The following PITPNC1 variants were observed in gnomAD, a reference collection of about 807,000 sequenced individuals.
PITPNC1 encodes cytoplasmic phosphatidylinositol transfer protein 1.
In PITPNC1, 18 loss-of-function variants were observed where a neutral mutation model predicts 44.7. That is an observed-to-expected ratio of 0.40 (90% CI 0.28 to 0.60). The LOEUF (loss-of-function observed/expected upper bound fraction) is 0.60. Among genes scored for constraint, PITPNC1 ranks in the 20% least tolerant of loss-of-function variants. PITPNC1 has a pLI of 0.39. For synonymous variants in PITPNC1, 141 were observed against 149.6 expected, an observed-to-expected ratio of 0.94 and a Z score of 0.42; for missense variants, 290 against 418.4, an observed-to-expected ratio of 0.69 and a Z score of 2.68.
At chr17:67,586,638 C>T (rs1480644327) in intron 5 of PITPNC1, among the ~76,000 whole-genome samples, 1 of 151,996 alleles carries the variant, frequency 6.6e-6, no homozygotes, top group Non-Finnish European at 1.5e-5. Context: ...AGATTGTGCA[C>T]AGGGTTCTCA....
At chr17:67,633,485 C>T (rs2041995372) in intron 6 of PITPNC1, among the ~76,000 whole-genome samples, 3 of 152,222 alleles carry the variant, frequency 2.0e-5, no homozygotes, top group Non-Finnish European at 4.4e-5. Flanking sequence ...GCTGCTGTCC[C>T]TGAAAGGGCT....
At chr17:67,421,771 C>G (rs2038675907) in intron 1 of PITPNC1, among the ~76,000 whole-genome samples, 1 of 152,102 alleles carries the variant, frequency 6.6e-6, no homozygotes, top group African/African-American at 2.4e-5. Flanking sequence ...GTCTTAGTTT[C>G]CTTACCTCCT....
chr17:67,487,217 C>T (rs1284434987), intron 1 of PITPNC1, among the ~76,000 whole-genome samples: 1 of 152,094 alleles, frequency 6.6e-6, no homozygotes, highest in African/African-American at 2.4e-5. Flanking sequence ...CTTTGTCACC[C>T]AGGCGGAAGT....
chr17:67,538,136 G>A (rs1305187320), intron 2 of PITPNC1, among the ~76,000 whole-genome samples: 1 of 151,960 alleles, frequency 6.6e-6, no homozygotes, highest in Non-Finnish European at 1.5e-5. Context: ...TTAAACTCAT[G>A]GAACAAAGTA....
At chr17:67,390,770 T>C (rs62084078) in intron 1 of PITPNC1, among the ~76,000 whole-genome samples, 45,862 of 152,126 alleles carry the variant, frequency 0.3, 8,089 homozygotes, top group African/African-American at 0.49. Flanking sequence ...TCTTGGCCAC[T>C]GGCTTTGCAA....
intron 2 of PITPNC1, among the ~76,000 whole-genome samples, chr17:67,539,832 C>T (rs1263096680): frequency 6.6e-6 from 1 of 151,678 alleles, no homozygotes; most frequent in African/African-American, 2.4e-5. Context: ...AACGAGACGC[C>T]GTCTCAAACA....
chr17:67,395,051 G>A (rs1295630018), intron 1 of PITPNC1, among the ~76,000 whole-genome samples: 1 of 152,054 alleles, frequency 6.6e-6, no homozygotes, highest in East Asian at 1.9e-4. Flanking sequence ...TATTTTAAAA[G>A]TTATAGAAAA....
intron 4 of PITPNC1, among the ~76,000 whole-genome samples, chr17:67,557,422 G>A (rs1388990579): frequency 6.6e-6 from 1 of 152,270 alleles, no homozygotes; most frequent in East Asian, 1.9e-4. Context: ...GTGGATCCTG[G>A]CCACCTGGAC....
intron 4 of PITPNC1, among the ~76,000 whole-genome samples, chr17:67,561,358 A>C (rs895525201): frequency 3.3e-5 from 5 of 152,098 alleles, no homozygotes; most frequent in African/African-American, 1.2e-4. Flanking sequence ...CAGGAGGCTA[A>C]GGCAGGAGAA....
chr17:67,470,413 A>G (rs568657064), intron 1 of PITPNC1, among the ~76,000 whole-genome samples: 29 of 151,302 alleles, frequency 1.9e-4, no homozygotes, highest in African/African-American at 6.8e-4. Context: ...CACATTCCCC[A>G]CTCCTGTTCC....
At chr17:67,516,415 C>A (rs1386425289) in intron 1 of PITPNC1, among the ~76,000 whole-genome samples, 1 of 152,152 alleles carries the variant, frequency 6.6e-6, no homozygotes, top group Non-Finnish European at 1.5e-5. Context: ...ATTTAAAACG[C>A]TACCTTCCTC....
intron 1 of PITPNC1, among the ~76,000 whole-genome samples, chr17:67,467,914 T>C (rs911258280): frequency 1.3e-5 from 2 of 152,146 alleles, no homozygotes; most frequent in East Asian, 1.9e-4. Flanking sequence ...CAGAATTGAG[T>C]TGGAGACTTA....
intron 1 of PITPNC1, among the ~76,000 whole-genome samples, chr17:67,498,263 A>G (rs968261690): frequency 1.3e-5 from 2 of 151,978 alleles, no homozygotes; most frequent in African/African-American, 4.8e-5. Flanking sequence ...TTATCTTTTT[A>G]ATTAATTTAG....
intron 5 of PITPNC1, among the ~76,000 whole-genome samples, chr17:67,593,094 T>C (rs2041413995): frequency 6.6e-6 from 1 of 152,158 alleles, no homozygotes; most frequent in Non-Finnish European, 1.5e-5. Context: ...CAAAAATAAA[T>C]TCCAAAAGTG....
chr17:67,653,883 A>G (rs2042235314), intron 6 of PITPNC1, among the ~76,000 whole-genome samples: 1 of 152,200 alleles, frequency 6.6e-6, no homozygotes, highest in South Asian at 2.1e-4. Context: ...GCCCTTCACA[A>G]GGAGAGCTTG....
chr17:67,669,140 CTT>C (rs762553199), intron 6 of PITPNC1, among the ~76,000 whole-genome samples: 71 of 152,262 alleles, frequency 4.7e-4, no homozygotes, highest in Non-Finnish European at 7.6e-4. Flanking sequence ...GAGTTTCGCT[CTT>C]GTTACCTAGG....
At chr17:67,503,270 A>C (rs763676064) in intron 1 of PITPNC1, among the ~76,000 whole-genome samples, 12 of 152,120 alleles carry the variant, frequency 7.9e-5, no homozygotes, top group Non-Finnish European at 1.6e-4. Context: ...TGGCTCCTGA[A>C]TTTCCCATTG....
chr17:67,589,118 A>T (rs558335182), intron 5 of PITPNC1, among the ~76,000 whole-genome samples: 1 of 152,314 alleles, frequency 6.6e-6, no homozygotes, highest in South Asian at 2.1e-4. Flanking sequence ...TCTGTGTCTA[A>T]TGGTGTCATT....
chr17:67,401,447 T>C lies in PITPNC1; in HGVS notation c.48+23245T>C, dbSNP rs145920232. 9.4e-3 allele frequency among the ~76,000 whole-genome samples: 1,439 copies of C among 152,334 alleles called. 14 individuals are homozygous for C. Among genetic ancestry groups the C allele is most frequent in the Middle Eastern group, 0.031 (9 of 294 alleles). ...TGATTTGTTGGAAGATGCTTTCTCA[T>C]GTTTAGTTGGTATCTGACTCCTTAG... On this transcript the variant is annotated intron_variant, in intron 1 of 8. Transcript: ENST00000581322.
Sources: allele counts gnomAD v4.1 joint callset (sites outside exome capture counted in the v4.1 genomes callset), GRCh38; gene constraint gnomAD v4.1.1; transcripts MANE v1.5; gene names NCBI Gene and HGNC (gene_info 2026-07-23, HGNC 2026-07-21).